RAB39A: variants seen among roughly 807,000 people sequenced by gnomAD.
The protein encoded by RAB39A is ras-related protein Rab-39A.
RAB39A carries 17 observed loss-of-function variants against 20.9 expected under a neutral mutation model. That is an observed-to-expected ratio of 0.81 (90% CI 0.56 to 1.22). The LOEUF (loss-of-function observed/expected upper bound fraction) is 1.22, where lower values mean the gene tolerates loss of function less well. Ranked by LOEUF, RAB39A falls within the 50% of genes most tolerant of loss-of-function variation. The probability of loss-of-function intolerance (pLI) is 0.00; values close to 1 mark genes in which losing one functional copy is unlikely to be tolerated. For missense variants in RAB39A, 234 were observed against 270.5 expected (o/e 0.87, Z 0.95); for synonymous variants, 99 against 103.4 (o/e 0.96, Z 0.26).
chr11:107,944,611 TC>T (rs1736098093), intron 1 of RAB39A, among the ~76,000 whole-genome samples: 1 of 151,972 alleles, frequency 6.6e-6, no homozygotes, highest in African/African-American at 2.4e-5. Context: ...GGTCTCGAAC[TC>T]CTGACCTTGT....
At chr11:107,938,359 CAAAA>C (rs58613355) in intron 1 of RAB39A, among the ~76,000 whole-genome samples, 2 of 63,374 alleles carry the variant, frequency 3.2e-5, no homozygotes, top group Admixed American at 2.2e-4. Flanking sequence ...GACTCCGTCT[CAAAA>C]AAAAAAAAAA....
chr11:107,948,317 G>A (rs1861339210), intron 1 of RAB39A, among the ~76,000 whole-genome samples: 1 of 152,156 alleles, frequency 6.6e-6, no homozygotes, highest in Admixed American at 6.6e-5. Flanking sequence ...AAGACGATGT[G>A]GTAGGGACAT....
rs567699587 is a variant in RAB39A at position 107,952,450 on chromosome 11, G to A, written c.228-9496G>A. Among the ~76,000 whole-genome samples, 12 of 151,752 alleles carry A rather than the reference G, an allele frequency of 7.9e-5. No homozygotes were observed. In the East Asian group the frequency reaches 1.7e-3, roughly 22 times the overall value. On this transcript the variant is annotated intron_variant, in intron 1 of 1. Coordinates refer to ENST00000320578, the MANE Select transcript of RAB39A (RefSeq NM_017516.3). ...ACAGAAATTAGCTGGGTGTGGTGGC[G>A]CATACCTGTAATCCCAGCTGCTTGG...
At chr11:107,946,387 G>GT (rs1205623515) in intron 1 of RAB39A, among the ~76,000 whole-genome samples, 172 of 64,800 alleles carry the variant, frequency 2.7e-3, no homozygotes, top group Middle Eastern at 0.01. Context: ...TATATATGTG[G>GT]GTGTATATAT....
intron 1 of RAB39A, among the ~76,000 whole-genome samples, chr11:107,957,477 C>G (rs1218146489): frequency 1.3e-5 from 2 of 152,142 alleles, no homozygotes; most frequent in Non-Finnish European, 2.9e-5. Context: ...CAGCAGTTTT[C>G]AATTAAGGCA....
chr11:107,945,818 G>A (rs1303110420), intron 1 of RAB39A, among the ~76,000 whole-genome samples: 3 of 152,118 alleles, frequency 2.0e-5, no homozygotes, highest in Admixed American at 6.6e-5. Flanking sequence ...CAAAAATAGG[G>A]TCTTTGGCTG....
chr11:107,949,147 C>A (rs992899702), intron 1 of RAB39A, among the ~76,000 whole-genome samples: 1 of 151,788 alleles, frequency 6.6e-6, no homozygotes, highest in African/African-American at 2.4e-5. Flanking sequence ...ATGGAGAAAC[C>A]CCATCTCTAC....
At chr11:107,934,977 T>A (rs954669405) in intron 1 of RAB39A, among the ~76,000 whole-genome samples, 1 of 149,940 alleles carries the variant, frequency 6.7e-6, no homozygotes, top group Non-Finnish European at 1.5e-5. Flanking sequence ...TCCTCTCCCT[T>A]CCCCACAGAA....
At position 107,928,502 on chromosome 11, in the gene RAB39A, G is replaced by C; in HGVS notation, c.-67G>C. ...GCGGGCGCCCGCGAGGTGCTGAAAG[G>C]ACAGTTCCCGCCGCCGAACTTAGCC... On this transcript the variant is annotated 5_prime_UTR_variant, in exon 1 of 2. Coordinates refer to ENST00000320578, the MANE Select transcript of RAB39A (RefSeq NM_017516.3). This position sits in a 1 kb window ranked among gnomAD's most constrained non-coding sequence, Gnocchi z 4.9. 7.8e-7 allele frequency: 1 copy of C among 1,275,560 alleles called. No individual in the cohort carries two copies. The highest frequency in any genetic ancestry group is 1.9e-5 in the South Asian group (1 of 52,746). The allele number at this position is 1,275,560 out of a possible 1,614,324, so 79.0% of individuals were successfully genotyped here. A position where few individuals can be genotyped will look rare whatever the true frequency, so the allele number is the denominator to read the frequency against.
At chr11:107,946,528 A>G (rs1861320531) in intron 1 of RAB39A, among the ~76,000 whole-genome samples, 1 of 118,146 alleles carries the variant, frequency 8.5e-6, no homozygotes, top group Admixed American at 1.1e-4. Context: ...GCTGGAGTGC[A>G]GTGGCGCTAT....
At chr11:107,934,699 A>C (rs1861175240) in intron 1 of RAB39A, among the ~76,000 whole-genome samples, 1 of 151,344 alleles carries the variant, frequency 6.6e-6, no homozygotes, top group Non-Finnish European at 1.5e-5. Context: ...GGCCAAGGCG[A>C]GTGGATCACC....
intron 1 of RAB39A, among the ~76,000 whole-genome samples, chr11:107,935,643 T>TG (rs773742966): frequency 1.4e-4 from 21 of 152,240 alleles, no homozygotes; most frequent in Admixed American, 3.3e-4. Context: ...CCCAAAGTGC[T>TG]GGGATTACAG....
chr11:107,947,035 C>T (rs571668787), intron 1 of RAB39A, among the ~76,000 whole-genome samples: 2 of 151,164 alleles, frequency 1.3e-5, no homozygotes, highest in South Asian at 4.2e-4. Context: ...CTAAAACACT[C>T]AATATAAAGT....
chr11:107,942,379 C>G (rs1861268963), intron 1 of RAB39A, among the ~76,000 whole-genome samples: 1 of 152,150 alleles, frequency 6.6e-6, no homozygotes, highest in African/African-American at 2.4e-5. Context: ...GAGAGACAAT[C>G]TAAAACAACA....
intron 1 of RAB39A, among the ~76,000 whole-genome samples, chr11:107,961,532 G>T (rs1312358368): frequency 6.6e-6 from 1 of 152,178 alleles, no homozygotes; most frequent in African/African-American, 2.4e-5. Flanking sequence ...CTGATAGAGA[G>T]AAGAGTTCAT....
At chr11:107,950,764 T>TAAAAAAA (rs5794581) in intron 1 of RAB39A, among the ~76,000 whole-genome samples, 2 of 131,352 alleles carry the variant, frequency 1.5e-5, no homozygotes, top group African/African-American at 5.8e-5. Flanking sequence ...AGACCCTGTC[T>TAAAAAAA]AAAAAAAAAA....
At chr11:107,944,372 G>T (rs528850115) in intron 1 of RAB39A, among the ~76,000 whole-genome samples, 2 of 152,282 alleles carry the variant, frequency 1.3e-5, no homozygotes, top group Admixed American at 1.3e-4. Flanking sequence ...GTTGCTATGT[G>T]TCAGCTAAAA....
chr11:107,948,358 T>G (rs1276516967), intron 1 of RAB39A, among the ~76,000 whole-genome samples: 1 of 152,188 alleles, frequency 6.6e-6, no homozygotes, highest in Non-Finnish European at 1.5e-5. Context: ...TTCTTTTTTT[T>G]CTTGACACAT....
intron 1 of RAB39A, among the ~76,000 whole-genome samples, chr11:107,954,014 G>T (rs1861408548): frequency 6.6e-6 from 1 of 152,172 alleles, no homozygotes; most frequent in Non-Finnish European, 1.5e-5. Context: ...CAATGTGTAG[G>T]ATACCATGAC....
Sources: allele counts gnomAD v4.1 joint callset (sites outside exome capture counted in the v4.1 genomes callset), GRCh38; gene constraint gnomAD v4.1.1; non-coding constraint Gnocchi (gnomAD v3.1); transcripts MANE v1.5; gene names NCBI Gene and HGNC (gene_info 2026-07-23, HGNC 2026-07-21).